Variants in THSD7A observed in about 807,000 individuals in gnomAD.
The protein encoded by THSD7A is thrombospondin type-1 domain-containing protein 7A.
THSD7A carries 96 observed loss-of-function variants against 231.3 expected under a neutral mutation model. That is an observed-to-expected ratio of 0.41 (90% CI 0.35 to 0.49). The LOEUF is 0.49. Among genes scored for constraint, THSD7A ranks in the 20% least tolerant of loss-of-function variants. The pLI is 0.05. For synonymous variants in THSD7A, 940 were observed against 743.3 expected, an observed-to-expected ratio of 1.26 and a Z score of -4.30; for missense variants, 2,290 against 2,070.2, an observed-to-expected ratio of 1.11 and a Z score of -2.06.
chr7:11,468,904 A>C (rs1323275907), intron 9 of THSD7A, among the ~76,000 whole-genome samples: 1 of 152,114 alleles, frequency 6.6e-6, no homozygotes, highest in African/African-American at 2.4e-5. Context: ...ATTTTATTGG[A>C]TATTTCAAGG....
chr7:11,482,083 T>A, intron 6 of THSD7A, 101 bp from the exon 7 acceptor site: 1 of 1,290,398 alleles, frequency 7.7e-7, no homozygotes, highest in Non-Finnish European at 1.0e-6. Flanking sequence ...TATCTTTCTT[T>A]TGCTCTTACT....
At chr7:11,677,842 G>C (rs1428914661) in intron 1 of THSD7A, among the ~76,000 whole-genome samples, 1 of 152,000 alleles carries the variant, frequency 6.6e-6, no homozygotes, top group African/African-American at 2.4e-5. Flanking sequence ...GGACCAAGCA[G>C]ACCTAATAGA....
intron 17 of THSD7A, among the ~76,000 whole-genome samples, chr7:11,415,916 C>A (rs977662221): frequency 6.6e-6 from 1 of 152,178 alleles, no homozygotes; most frequent in African/African-American, 2.4e-5. Flanking sequence ...CTGTATGACA[C>A]TTATCTTCTC....
chr7:11,555,670 T>C (rs1237108366), intron 4 of THSD7A, among the ~76,000 whole-genome samples: 2 of 151,890 alleles, frequency 1.3e-5, no homozygotes, highest in African/African-American at 4.8e-5. Context: ...CATTTCCAAC[T>C]ACAATTATCT....
At chr7:11,816,337 G>A (rs6948704) in intron 1 of THSD7A, among the ~76,000 whole-genome samples, 140,695 of 152,268 alleles carry the variant, frequency 0.92, 65,146 homozygotes, top group East Asian at 1. Context: ...GCAATGCAAT[G>A]TATGTTTTTA....
At chr7:11,376,256 C>T (rs1461960128) in intron 27 of THSD7A, among the ~76,000 whole-genome samples, 2 of 152,042 alleles carry the variant, frequency 1.3e-5, no homozygotes, top group Non-Finnish European at 2.9e-5. Flanking sequence ...TTAGGTATTA[C>T]TGTAATATCT....
chr7:11,684,319 C>T (rs889787840), intron 1 of THSD7A, among the ~76,000 whole-genome samples: 2 of 149,754 alleles, frequency 1.3e-5, no homozygotes, highest in Admixed American at 6.7e-5. Flanking sequence ...CATAAGAAAT[C>T]GAACAAGACA....
At chr7:11,727,547 C>T (rs1362170394) in intron 1 of THSD7A, among the ~76,000 whole-genome samples, 1 of 151,680 alleles carries the variant, frequency 6.6e-6, no homozygotes, top group Non-Finnish European at 1.5e-5. Flanking sequence ...ATTTGGGGCC[C>T]AAAATGTTAA....
intron 1 of THSD7A, among the ~76,000 whole-genome samples, chr7:11,769,578 T>C (rs1783159813): frequency 6.6e-6 from 1 of 152,098 alleles, no homozygotes; most frequent in East Asian, 1.9e-4. Context: ...AAAATTCTGA[T>C]TATGTTTATC....
chr7:11,649,058 A>G (rs1311934844), intron 1 of THSD7A, among the ~76,000 whole-genome samples: 1 of 152,022 alleles, frequency 6.6e-6, no homozygotes, highest in Non-Finnish European at 1.5e-5. Context: ...CCACTGAGAT[A>G]TTGCCAAAAT....
intron 6 of THSD7A, among the ~76,000 whole-genome samples, chr7:11,534,279 T>C (rs1788824870): frequency 6.6e-6 from 1 of 152,198 alleles, no homozygotes; most frequent in Admixed American, 6.5e-5. Context: ...TCTATTTTCC[T>C]ACTCATTAAA....
intron 4 of THSD7A, among the ~76,000 whole-genome samples, chr7:11,564,628 G>A (rs1337543602): frequency 6.6e-6 from 1 of 152,108 alleles, no homozygotes; most frequent in Non-Finnish European, 1.5e-5. Context: ...AGGGTCTAGA[G>A]TCTAGATGGG....
intron 1 of THSD7A, among the ~76,000 whole-genome samples, chr7:11,720,139 T>C (rs994264153): frequency 9.9e-5 from 15 of 151,874 alleles, no homozygotes; most frequent in Admixed American, 9.9e-4. Flanking sequence ...CGTCCATAGA[T>C]CTTTCACCAC....
At chr7:11,598,531 T>C (rs1419759237) in intron 2 of THSD7A, among the ~76,000 whole-genome samples, 1 of 152,208 alleles carries the variant, frequency 6.6e-6, no homozygotes. Flanking sequence ...AAGGCTGACC[T>C]GGCTATGGCC....
At chr7:11,564,618 AG>A (rs1325670621) in intron 4 of THSD7A, among the ~76,000 whole-genome samples, 1 of 152,120 alleles carries the variant, frequency 6.6e-6, no homozygotes, top group African/African-American at 2.4e-5. Context: ...AACTCCTCCC[AG>A]GGTCTAGAGT....
At chr7:11,690,988 A>C (rs1780213842) in intron 1 of THSD7A, among the ~76,000 whole-genome samples, 1 of 151,800 alleles carries the variant, frequency 6.6e-6, no homozygotes, top group Admixed American at 6.6e-5. Context: ...TTTTTAAAAA[A>C]GGCAGCTGAC....
chr7:11,821,201 G>T, intron 1 of THSD7A: 1 of 1,171,780 alleles, frequency 8.5e-7, no homozygotes, highest in Non-Finnish European at 1.3e-6. Context: ...TCTTTAACAT[G>T]GTGAACAATG....
At chr7:11,676,937 C>A (rs372250048) in intron 1 of THSD7A, among the ~76,000 whole-genome samples, 1 of 151,924 alleles carries the variant, frequency 6.6e-6, no homozygotes, top group Non-Finnish European at 1.5e-5. Context: ...AGATACTCCT[C>A]GAGAAAAACA....
chr7:11,777,853 C>T (rs1036157727), intron 1 of THSD7A, among the ~76,000 whole-genome samples: 10 of 152,022 alleles, frequency 6.6e-5, no homozygotes, highest in South Asian at 2.1e-4. Flanking sequence ...CCTGCTTCTA[C>T]AGAAAGAAAG....
Sources: gnomAD v4.1 joint callset for allele counts (sites outside exome capture counted in the v4.1 genomes callset) on GRCh38, gnomAD v4.1.1 for gene constraint, MANE v1.5 for transcripts, NCBI Gene and HGNC (gene_info 2026-07-23, HGNC 2026-07-21) for gene names.